CACNA1A: variants seen among roughly 807,000 people sequenced by gnomAD.
The protein encoded by CACNA1A is calcium voltage-gated channel subunit alpha1 A.
CACNA1A carries 57 observed loss-of-function variants against 262.4 expected under a neutral mutation model. That is an observed-to-expected ratio of 0.22 (90% CI 0.18 to 0.27). The LOEUF is 0.27. CACNA1A is among the 10% of genes least tolerant of loss of function. The probability of loss-of-function intolerance (pLI) is 1.00; values close to 1 mark genes in which losing one functional copy is unlikely to be tolerated. For synonymous variants in CACNA1A, 1,431 were observed against 1,419.3 expected (o/e 1.01, Z -0.18); for missense variants, 2,526 against 3,562.8 (o/e 0.71, Z 7.41).
At chr19:13,336,581 CAG>C (rs1187115876) in intron 6 of CACNA1A, among the ~76,000 whole-genome samples, 3 of 24,856 alleles carry the variant, frequency 1.2e-4, no homozygotes, top group Non-Finnish European at 2.0e-4. Context: ...GAAAGAGAGA[CAG>C]AGAGAGAGAG....
At chr19:13,358,945 G>A (rs185592121) in intron 6 of CACNA1A, among the ~76,000 whole-genome samples, 9 of 152,218 alleles carry the variant, frequency 5.9e-5, no homozygotes, top group African/African-American at 2.2e-4. Context: ...CTGCCAGAGG[G>A]GCTCCACACA....
In CACNA1A at chr19:13,298,742, G is replaced by T. The variant is rs1161926847; in HGVS notation, c.2891C>A (p.Pro964His). Residue 964 changes from proline (P) to histidine (H), a missense_variant, in exon 19 of 47, where the codon CCC (proline) becomes CAC (histidine). By Grantham distance (77) the Pro-to-His change is moderately conservative (BLOSUM62 -2). This residue lies in a region of CACNA1A where 765 missense variants were observed against 748.6 expected (regional missense o/e 1.02). Transcript: ENST00000360228. ...EHRRHRAHRRPGEEGPEDKAE... is the reference protein window; with the variant it reads ...EHRRHRAHRRHGEEGPEDKAE... ...CTTGTCCTCCGGACCCTCCTCCCCG[G>T]GCCTGCGGTGCGCGCGATGACGTCG... 2.0e-6 allele frequency: 3 copies of T among 1,507,962 alleles called. No individual in the cohort carries two copies. Among genetic ancestry groups the T allele is most frequent in the Admixed American group, 2.1e-5 (1 of 46,942 alleles). The allele number at this position is 1,507,962 out of a possible 1,614,324, so 93.4% of individuals were successfully genotyped here. A position where few individuals can be genotyped will look rare whatever the true frequency, so the allele number is the denominator to read the frequency against.
chr19:13,369,626 A>G (rs1251685366), intron 4 of CACNA1A, among the ~76,000 whole-genome samples: 2 of 152,252 alleles, frequency 1.3e-5, no homozygotes, highest in African/African-American at 4.8e-5. Flanking sequence ...CTGGTAAGTC[A>G]TAGGTGGTCA....
At chr19:13,330,016 G>GCTT (rs2145113642) in intron 10 of CACNA1A, among the ~76,000 whole-genome samples, 1 of 152,282 alleles carries the variant, frequency 6.6e-6, no homozygotes, top group East Asian at 1.9e-4. Flanking sequence ...GGTTTGCCAT[G>GCTT]CTTCATGGGG....
intron 3 of CACNA1A, among the ~76,000 whole-genome samples, chr19:13,393,738 T>C: frequency 6.9e-6 from 1 of 143,960 alleles, no homozygotes; most frequent in Non-Finnish European, 1.5e-5. Flanking sequence ...TTTTCTTTCC[T>C]TTTCTCTCTC....
At chr19:13,446,899 T>C (rs994347838) in intron 3 of CACNA1A, among the ~76,000 whole-genome samples, 7 of 152,032 alleles carry the variant, frequency 4.6e-5, no homozygotes, top group African/African-American at 1.7e-4. Context: ...TCATGCAGAA[T>C]GTTTTACTTT....
At chr19:13,351,942 G>T (rs1270716252) in intron 6 of CACNA1A, among the ~76,000 whole-genome samples, 1 of 152,164 alleles carries the variant, frequency 6.6e-6, no homozygotes, top group African/African-American at 2.4e-5. Context: ...ACCAAGGCTG[G>T]CCATTTATTA....
Position 13,245,137 on chromosome 19 carries a change from C to T in CACNA1A, c.4950+45G>A, listed in dbSNP as rs199845426. The T allele has an allele frequency of 1.5e-5, 22 of 1,506,520 alleles. No individual in the cohort carries two copies. The East Asian group carries it at 1.6e-4, about 11-fold the overall frequency. The allele number at this position is 1,506,520 out of a possible 1,614,324, so 93.3% of individuals were successfully genotyped here. ...CTCCCCCGCCCCCTGCCGCCTGCCT[C>T]GTCCAGCCCAGAGTCACCCAGAGAG... On this transcript the variant is annotated intron_variant, in intron 31 of 46. Coordinates refer to ENST00000360228, the MANE Select transcript of CACNA1A (RefSeq NM_001127222.2).
At chr19:13,217,394 G>A (rs1470206290) in intron 38 of CACNA1A, among the ~76,000 whole-genome samples, 1 of 152,176 alleles carries the variant, frequency 6.6e-6, no homozygotes, top group African/African-American at 2.4e-5. Context: ...GAAGCTCAGT[G>A]TGCTTAGAAA....
At chr19:13,293,255 T>C (rs1226254382) in intron 19 of CACNA1A, among the ~76,000 whole-genome samples, 1 of 151,976 alleles carries the variant, frequency 6.6e-6, no homozygotes, top group African/African-American at 2.4e-5. Context: ...TGGTGTCTCA[T>C]GTCTGTAAAT....
At position 13,308,589 on chromosome 19, in the gene CACNA1A, C is replaced by G. The variant is rs757547128; in HGVS notation, c.1669-61G>C. 37 of 1,080,140 alleles carry G rather than the reference C, an allele frequency of 3.4e-5. No homozygotes were observed. The highest frequency in any genetic ancestry group is 2.7e-4 in the Middle Eastern group (1 of 3,766). 66.9% of individuals were successfully genotyped at this position (1,080,140 alleles called of 1,614,324 possible). On this transcript the variant is annotated intron_variant, in intron 12 of 46. Transcript: ENST00000360228. The surrounding 1 kb of genome is among the most constrained non-coding windows in gnomAD (Gnocchi z 4.2). ...GTGTCTGGGCTCCAGAACTGGCAAG[C>G]ATTTCCTAGGTACCAACCTTGCAAG...
intron 3 of CACNA1A, among the ~76,000 whole-genome samples, chr19:13,433,642 T>G (rs1434042781): frequency 1.3e-5 from 2 of 151,800 alleles, no homozygotes; most frequent in African/African-American, 4.8e-5. Context: ...CATCTGCTAA[T>G]AAGGGATGCA....
chr19:13,225,854 A>G (rs146763280), intron 37 of CACNA1A: 1 of 152,062 alleles, frequency 6.6e-6, no homozygotes, highest in Non-Finnish European at 1.5e-5. Context: ...CTTATTTATT[A>G]ATTAAAATAT....
At chr19:13,334,579 GTGTGTGTGTGTGTT>G (rs2058527706) in intron 7 of CACNA1A, 86 bp from the exon 8 acceptor site, 9 of 670,464 alleles carry the variant, frequency 1.3e-5, no homozygotes, top group African/African-American at 1.9e-5. Context: ...GTGTGTGTGT[GTGTGTGTGTGTGTT>G]TGTGTGTGTG....
intron 3 of CACNA1A, among the ~76,000 whole-genome samples, chr19:13,420,924 G>A (rs2060306528): frequency 6.6e-6 from 1 of 152,098 alleles, no homozygotes; most frequent in African/African-American, 2.4e-5. Context: ...TACAGTAATG[G>A]AATTTTAGCC....
chr19:13,334,638 A>T (rs1187861972), intron 7 of CACNA1A, 145 bp from the exon 8 acceptor site: 1 of 600,858 alleles, frequency 1.7e-6, no homozygotes, highest in Non-Finnish European at 3.0e-6. Context: ...CCTGGAGGTC[A>T]GGAGTTTTCA....
chr19:13,481,439 C>T (rs1979298799), intron 1 of CACNA1A, among the ~76,000 whole-genome samples: 1 of 152,050 alleles, frequency 6.6e-6, no homozygotes, highest in Admixed American at 6.6e-5. Context: ...TTCCGTTCTC[C>T]ATGGAGGGGA....
At chr19:13,383,506 T>G (rs1026321242) in intron 3 of CACNA1A, among the ~76,000 whole-genome samples, 3 of 152,212 alleles carry the variant, frequency 2.0e-5, no homozygotes, top group Admixed American at 2.0e-4. Context: ...ATTTAAAGTC[T>G]ACCATGACCA....
chr19:13,470,685 C>A (rs2061333055), intron 1 of CACNA1A, among the ~76,000 whole-genome samples: 1 of 152,194 alleles, frequency 6.6e-6, no homozygotes. Flanking sequence ...GTGACTGCAT[C>A]ATCCAAGCCC....
Sources: gnomAD v4.1 joint callset for allele counts (sites outside exome capture counted in the v4.1 genomes callset) on GRCh38, gnomAD v4.1.1 for gene constraint, gnomAD v4.1.1 regional missense constraint, Gnocchi (gnomAD v3.1) non-coding constraint, MANE v1.5 for transcripts, NCBI Gene and HGNC (gene_info 2026-07-23, HGNC 2026-07-21) for gene names.